Variants in KLHDC10 observed in about 807,000 individuals in gnomAD.
KLHDC10 encodes kelch domain-containing protein 10.
In KLHDC10, 24 loss-of-function variants were observed where a neutral mutation model predicts 56.1. That is an observed-to-expected ratio of 0.43 (90% CI 0.31 to 0.60). KLHDC10 has a LOEUF of 0.60. Ranked by LOEUF, KLHDC10 falls within the 20% of genes least tolerant of loss-of-function variation. The pLI is 0.11. For synonymous variants in KLHDC10, 188 were observed against 207.1 expected, an observed-to-expected ratio of 0.91 and a Z score of 0.79; for missense variants, 349 against 567.0, an observed-to-expected ratio of 0.62 and a Z score of 3.91.
chr7:130,091,712 G>A (rs1339275090), intron 1 of KLHDC10, among the ~76,000 whole-genome samples: 4 of 151,954 alleles, frequency 2.6e-5, no homozygotes, highest in Non-Finnish European at 5.9e-5. Context: ...TGAGATTATA[G>A]TTCTGAATGT....
At position 130,134,230 on chromosome 7, in the gene KLHDC10, G is replaced by A. The variant is rs1469683147; in HGVS notation, c.*3484G>A. 6.6e-6 allele frequency: 1 copy of A among 152,158 alleles called. No homozygotes were observed. Among genetic ancestry groups the A allele is most frequent in the African/African-American group, 2.4e-5 (1 of 41,424 alleles). The allele number at this position is 152,158 out of a possible 1,614,324, so 9.4% of individuals were successfully genotyped here. A position where few individuals can be genotyped will look rare whatever the true frequency, so the allele number is the denominator to read the frequency against. On this transcript the variant is annotated 3_prime_UTR_variant, in exon 10 of 10. Transcript: ENST00000335420. Reference sequence around the variant, plus strand: ...ATGGGGTTAATGAGTAGGTAGAAAAGGAAAAGGAATAATCAGTAGGAGCTG... The same window carrying A: ...ATGGGGTTAATGAGTAGGTAGAAAAAGAAAAGGAATAATCAGTAGGAGCTG...
chr7:130,106,447 C>T (rs371541564), intron 2 of KLHDC10, among the ~76,000 whole-genome samples: 1 of 151,758 alleles, frequency 6.6e-6, no homozygotes, highest in African/African-American at 2.4e-5. Context: ...CGAGAAAGAG[C>T]GGTAAATAAA....
At chr7:130,107,947 G>A (rs1232321047) in intron 2 of KLHDC10, among the ~76,000 whole-genome samples, 1 of 150,734 alleles carries the variant, frequency 6.6e-6, no homozygotes, top group Non-Finnish European at 1.5e-5. Context: ...CCCGGGAGGC[G>A]GAGGTTGCAG....
intron 7 of KLHDC10, among the ~76,000 whole-genome samples, chr7:130,126,523 A>G (rs771839801): frequency 1.3e-5 from 2 of 151,524 alleles, no homozygotes; most frequent in African/African-American, 4.9e-5. Flanking sequence ...TAAAAATGTA[A>G]AAATTAGCTG....
At chr7:130,101,969 TAAAAAAA>T (rs10579051) in intron 2 of KLHDC10, among the ~76,000 whole-genome samples, 7 of 73,728 alleles carry the variant, frequency 9.5e-5, no homozygotes, top group African/African-American at 5.5e-5. Context: ...GACTCCCTCT[TAAAAAAA>T]AAAAAAAAAA....
Position 130,130,713 on chromosome 7 carries a change from A to ACT in KLHDC10, c.1298_1299dup (p.Thr434SerfsTer9). 6.2e-7 allele frequency: 1 copy of ACT among 1,614,076 alleles called. No homozygotes were observed. Among genetic ancestry groups the ACT allele is most frequent in the Non-Finnish European group, 8.5e-7 (1 of 1,180,006 alleles). The stretch of plus-strand genomic sequence containing the variant: ...CCCGAACACAACTTCTGCACCTTGG[A>ACT]CTCACACAGGGACTCATCGAACGCT... On this transcript the variant is annotated frameshift_variant, in exon 10 of 10. Transcript: ENST00000335420. LOFTEE classifies it high-confidence loss of function. The surrounding 1 kb of genome is among the most constrained non-coding windows in gnomAD (Gnocchi z 4.2).
rs765203616 is a variant in KLHDC10, at chr7:130,127,384, T to C, written c.932-20T>C. ...GTCTTTCTGTAAGTAATGGAACTTC[T>C]GTGTTTGTGTGTTTGGCAGGCTTTC... On this transcript the variant is annotated intron_variant, in intron 7 of 9. Coordinates refer to ENST00000335420, the MANE Select transcript of KLHDC10 (RefSeq NM_014997.4). 3.1e-6 allele frequency: 5 copies of C among 1,609,356 alleles called. No homozygotes were observed. The Admixed American group carries it at 5.0e-5, about 16-fold the overall frequency.
intron 1 of KLHDC10, among the ~76,000 whole-genome samples, chr7:130,090,140 T>C (rs1795751432): frequency 6.6e-6 from 1 of 152,120 alleles, no homozygotes; most frequent in African/African-American, 2.4e-5. Context: ...CTTGGCCTAA[T>C]AGTTCTAATT....
intron 3 of KLHDC10, among the ~76,000 whole-genome samples, chr7:130,118,035 T>C (rs1012445495): frequency 3.5e-4 from 53 of 151,746 alleles, no homozygotes; most frequent in African/African-American, 1.3e-3. Flanking sequence ...TAGCTGGGCA[T>C]GGTGGCAGGC....
At position 130,130,335 on chromosome 7, in the gene KLHDC10, A is replaced by T. The variant is rs1183318721; in HGVS notation, c.1120-202A>T. Among the ~76,000 whole-genome samples the T allele has an allele frequency of 3.6e-5, 1 of 27,778 alleles. No individual in the cohort carries two copies. Among genetic ancestry groups the T allele is most frequent in the Non-Finnish European group, 7.9e-5 (1 of 12,722 alleles). The allele number at this position is 27,778 out of a possible 152,430, so 18.2% of individuals were successfully genotyped here. ...AGACTCTGTCTCAAAAAAAAAAAAA[A>T]TCATATATATATATATATAGTTTTT... On this transcript the variant is annotated intron_variant, in intron 9 of 9. Transcript: ENST00000335420. This position sits in a 1 kb window ranked among gnomAD's most constrained non-coding sequence, Gnocchi z 4.2.
At position 130,130,407 on chromosome 7, in the gene KLHDC10, G is replaced by A. The variant is rs1174928767; in HGVS notation, c.1120-130G>A. 1.5e-6 allele frequency: 1 copy of A among 682,394 alleles called. No homozygotes were observed. The highest frequency in any genetic ancestry group is 1.8e-5 in the African/African-American group (1 of 55,968). The allele number at this position is 682,394 out of a possible 1,614,324, so 42.3% of individuals were successfully genotyped here. A position where few individuals can be genotyped will look rare whatever the true frequency, so the allele number is the denominator to read the frequency against. On this transcript the variant is annotated intron_variant, in intron 9 of 9. Transcript: ENST00000335420. This position sits in a 1 kb window ranked among gnomAD's most constrained non-coding sequence, Gnocchi z 4.2. ...TTTAAACCCTCTTGATCTCCACATG[G>A]TATTGGGATCAGTGAGGAATTCTTG...
rs560828465 is a variant in KLHDC10 at position 130,116,892 on chromosome 7, C to A, written c.475+226C>A. Among the ~76,000 whole-genome samples, 2 of 152,178 alleles carry A rather than the reference C, an allele frequency of 1.3e-5. No individual in the cohort carries two copies. Among genetic ancestry groups the A allele is most frequent in the African/African-American group, 4.8e-5 (2 of 41,502 alleles). ...GTTTTAGCTTTAATTTCCTAACTTG[C>A]AAAATGGGATTAATAATATCTTAGA... On this transcript the variant is annotated intron_variant, in intron 3 of 9. Coordinates refer to ENST00000335420, the MANE Select transcript of KLHDC10 (RefSeq NM_014997.4). This position sits in a 1 kb window ranked among gnomAD's most constrained non-coding sequence, Gnocchi z 4.8.
At chr7:130,128,889 A>AAAAAAAAAATAT in intron 8 of KLHDC10, among the ~76,000 whole-genome samples, 4 of 66,956 alleles carry the variant, frequency 6.0e-5, no homozygotes, top group Non-Finnish European at 8.3e-5. Flanking sequence ...AAAAAAAAAA[A>AAAAAAAAAATAT]ATATATATAT....
chr7:130,080,598 T>C (rs113169921), intron 1 of KLHDC10, among the ~76,000 whole-genome samples: 2,269 of 152,188 alleles, frequency 0.015, 53 homozygotes, highest in African/African-American at 0.051. Context: ...GGGGTCTCAA[T>C]GTTGCCCAGG....
At chr7:130,111,283 G>A (rs1472162085) in intron 2 of KLHDC10, among the ~76,000 whole-genome samples, 2 of 152,178 alleles carry the variant, frequency 1.3e-5, no homozygotes, top group Non-Finnish European at 2.9e-5. Context: ...TTATAATAAT[G>A]CAGAGGTGAA....
chr7:130,102,523 T>A (rs777268349), intron 2 of KLHDC10, among the ~76,000 whole-genome samples: 15 of 152,076 alleles, frequency 9.9e-5, no homozygotes, highest in East Asian at 9.6e-4. Context: ...TCCATAAATT[T>A]AAAAAAACAG....
chr7:130,097,168 G>T (rs764926722), intron 2 of KLHDC10, among the ~76,000 whole-genome samples, 161 bp downstream of exon 2: 1 of 152,182 alleles, frequency 6.6e-6, no homozygotes, highest in Non-Finnish European at 1.5e-5. Context: ...CCTGTTTCTT[G>T]TTGGCCACTA....
chr7:130,100,525 G>A (rs1389200681), intron 2 of KLHDC10, among the ~76,000 whole-genome samples: 1 of 152,210 alleles, frequency 6.6e-6, no homozygotes, highest in Non-Finnish European at 1.5e-5. Flanking sequence ...AAAGGCCACT[G>A]TCAGAAAATA....
At chr7:130,075,002 T>TG (rs1489181441) in intron 1 of KLHDC10, among the ~76,000 whole-genome samples, 1 of 152,198 alleles carries the variant, frequency 6.6e-6, no homozygotes, top group African/African-American at 2.4e-5. Context: ...TTTAAGCACT[T>TG]GCCTTTCTCC....
Sources: allele counts gnomAD v4.1 joint callset (sites outside exome capture counted in the v4.1 genomes callset), GRCh38; gene constraint gnomAD v4.1.1; non-coding constraint Gnocchi (gnomAD v3.1); transcripts MANE v1.5; gene names NCBI Gene and HGNC (gene_info 2026-07-23, HGNC 2026-07-21).